Variants in PCDH17 observed in about 807,000 individuals in gnomAD.
PCDH17 encodes the protein protocadherin 17.
Under a neutral mutation model 67.7 loss-of-function variants are expected in PCDH17, and 21 were observed. The observed-to-expected ratio is 0.31, with a 90% confidence interval of 0.22 to 0.45. The LOEUF is 0.45. PCDH17 is among the 20% of genes least tolerant of loss of function. PCDH17 has a pLI of 1.00. For synonymous variants in PCDH17, 701 were observed against 656.7 expected (o/e 1.07, Z -1.03); for missense variants, 1,471 against 1,564.8 (o/e 0.94, Z 1.01).
Position 57,710,214 on chromosome 13 carries a change from TG to T in PCDH17, c.2798-14397del, listed in dbSNP as rs796220795. ...GCTTCACTGTTGCCACCTGAATAAC[TG>T]TGTTTCACCTGAGAAACTGAGTCCC... is the stretch of plus-strand genomic sequence containing the variant. On this transcript the variant is annotated intron_variant, in intron 3 of 3. Transcript: ENST00000377918. 5.6e-4 allele frequency among the ~76,000 whole-genome samples: 85 copies of T among 152,008 alleles called. 1 individual carries two copies. Among genetic ancestry groups the T allele is most frequent in the African/African-American group, 2.0e-3 (85 of 41,534 alleles).
chr13:57,655,924 A>T (rs1464423567), intron 1 of PCDH17, among the ~76,000 whole-genome samples: 2 of 152,130 alleles, frequency 1.3e-5, no homozygotes, highest in Non-Finnish European at 2.9e-5. Context: ...TTCCAAAAAT[A>T]TTGGAATGGT....
intron 3 of PCDH17, among the ~76,000 whole-genome samples, chr13:57,668,012 G>C (rs1955276565): frequency 3.3e-5 from 5 of 151,320 alleles, no homozygotes; most frequent in Admixed American, 3.3e-4. Flanking sequence ...TTTCTAAGTA[G>C]TAATTGCTAG....
At chr13:57,638,839 T>C (rs1274319319) in intron 1 of PCDH17, among the ~76,000 whole-genome samples, 1 of 151,982 alleles carries the variant, frequency 6.6e-6, no homozygotes, top group Non-Finnish European at 1.5e-5. Context: ...ACCCGCTGTA[T>C]GCCTTTATTC....
chr13:57,712,215 T>C (rs1277018008), intron 3 of PCDH17, among the ~76,000 whole-genome samples: 1 of 151,766 alleles, frequency 6.6e-6, no homozygotes, highest in Non-Finnish European at 1.5e-5. Context: ...TAATACTGGA[T>C]AACTTTAGCT....
intron 3 of PCDH17, among the ~76,000 whole-genome samples, chr13:57,668,055 G>A (rs1955277485): frequency 6.6e-6 from 1 of 151,502 alleles, no homozygotes; most frequent in African/African-American, 2.4e-5. Flanking sequence ...TTTTACCATA[G>A]CAACTTTCTG....
rs145739466 is a variant in PCDH17, at chr13:57,689,881, T to C, written c.2797+23048T>C. On this transcript the variant is annotated intron_variant, in intron 3 of 3. Transcript: ENST00000377918. ...ATACATTTTATAATTACTTTTATAA[T>C]AGGCTATTCTAATTATATTTGCAGA... is the stretch of plus-strand genomic sequence containing the variant. Among the ~76,000 whole-genome samples the C allele has an allele frequency of 4.9e-3, 752 of 151,984 alleles. 9 individuals carry two copies. Among genetic ancestry groups the C allele is most frequent in the African/African-American group, 0.014 (590 of 41,544 alleles).
At chr13:57,684,324 A>G (rs1310670233) in intron 3 of PCDH17, among the ~76,000 whole-genome samples, 1 of 151,936 alleles carries the variant, frequency 6.6e-6, no homozygotes, top group Admixed American at 6.6e-5. Context: ...ACACATTCAC[A>G]TATATATAAA....
intron 3 of PCDH17, among the ~76,000 whole-genome samples, chr13:57,693,479 T>G (rs954358969): frequency 3.3e-5 from 5 of 149,452 alleles, no homozygotes; most frequent in Non-Finnish European, 7.5e-5. Flanking sequence ...GCAGATAGGT[T>G]AGAGTGGATG....
intron 1 of PCDH17, among the ~76,000 whole-genome samples, chr13:57,660,251 T>TA (rs138714408): frequency 0.03 from 4,494 of 152,024 alleles, 214 homozygotes; most frequent in African/African-American, 0.097. Context: ...TCTCAAAAAA[T>TA]AAAATTAAAT....
chr13:57,685,246 G>A, intron 3 of PCDH17, among the ~76,000 whole-genome samples: 1 of 151,928 alleles, frequency 6.6e-6, no homozygotes, highest in Non-Finnish European at 1.5e-5. Flanking sequence ...TCTTATAATT[G>A]TCTTTATGCT....
chr13:57,719,386 G>A (rs1955854203), intron 3 of PCDH17, among the ~76,000 whole-genome samples: 1 of 151,964 alleles, frequency 6.6e-6, no homozygotes, highest in Admixed American at 6.6e-5. Context: ...TGTCTTTATT[G>A]ATGCCATGAT....
rs1426850741 is a variant in PCDH17 at position 57,635,047 on chromosome 13, C to G, written c.2501C>G (p.Thr834Ser). 2 of 1,613,604 alleles carry G rather than the reference C, an allele frequency of 1.2e-6. No homozygotes were observed. The highest frequency in any genetic ancestry group is 1.3e-5 in the African/African-American group (1 of 74,906). The stretch of plus-strand genomic sequence containing the variant: ...CCTCAGGGGCACGCGGGCTGCCACA[C>G]CAGCTTCACCGGACAAGGGACTAAT... Reference protein sequence around the residue: ...TVPQGHAGCHTSFTGQGTNAS... With the variant: ...TVPQGHAGCHSSFTGQGTNAS... The change falls in exon 1 of 4, where the codon ACC becomes AGC. Residue 834 changes from threonine (T) to serine (S), a missense_variant. Around this residue, in one of 3 missense-constraint regions of PCDH17, gnomAD observed 1,163 missense variants for 1,230.0 expected, o/e 0.95. Transcript: ENST00000377918.
Position 57,634,054 on chromosome 13 carries a change from A to T in PCDH17, c.1508A>T (p.Gln503Leu). The T allele has an allele frequency of 6.2e-7, 1 of 1,613,430 alleles. No individual in the cohort carries two copies. The highest frequency in any genetic ancestry group is 8.5e-7 in the Non-Finnish European group (1 of 1,180,036). Residue 503 changes from glutamine to leucine, a missense_variant, in exon 1 of 4, where the codon CAG becomes CTG. Coordinates refer to ENST00000377918, the MANE Select transcript of PCDH17 (RefSeq NM_001040429.3). This position sits in a 1 kb window ranked among gnomAD's most constrained non-coding sequence, Gnocchi z 7.8. ...CTCGCCCAGGATCCCGACCTGGGCC[A>T]GAACGGCACCGTATCCTACTCTATC... ...SVLAQDPDLGQNGTVSYSILP... is the reference protein window; with the variant it reads ...SVLAQDPDLGLNGTVSYSILP...
intron 3 of PCDH17, among the ~76,000 whole-genome samples, chr13:57,716,300 T>TA (rs1955816109): frequency 6.6e-6 from 1 of 152,048 alleles, no homozygotes; most frequent in Admixed American, 6.6e-5. Context: ...CCTGCTGCAT[T>TA]AAATTTGGTC....
intron 3 of PCDH17, among the ~76,000 whole-genome samples, chr13:57,723,525 G>A (rs767318997): frequency 2.6e-5 from 4 of 151,892 alleles, no homozygotes; most frequent in Non-Finnish European, 4.4e-5. Flanking sequence ...CAATTAAATG[G>A]CAAATCCCAA....
At chr13:57,630,206 T>C (rs1387418848), upstream of PCDH17, among the ~76,000 whole-genome samples, 1 of 152,166 alleles carries the variant, frequency 6.6e-6, no homozygotes. Flanking sequence ...AACTGTTGAA[T>C]TGAATTTTCA....
intron 3 of PCDH17, among the ~76,000 whole-genome samples, chr13:57,682,993 C>T (rs1376752839): frequency 6.6e-6 from 1 of 151,834 alleles, no homozygotes; most frequent in Non-Finnish European, 1.5e-5. Context: ...TTTCATAAGA[C>T]AGGCATATTT....
chr13:57,649,143 T>C (rs1955005374), intron 1 of PCDH17, among the ~76,000 whole-genome samples: 2 of 152,100 alleles, frequency 1.3e-5, no homozygotes, highest in South Asian at 4.1e-4. Context: ...CTTAACCTTG[T>C]AATCCCATTT....
upstream of PCDH17, among the ~76,000 whole-genome samples, chr13:57,630,632 G>A (rs1954706523): frequency 6.6e-6 from 1 of 152,158 alleles, no homozygotes; most frequent in Admixed American, 6.6e-5. Flanking sequence ...CAGAACCTCG[G>A]ACTCCGGCAG....
Sources: allele counts gnomAD v4.1 joint callset (sites outside exome capture counted in the v4.1 genomes callset), GRCh38; gene constraint gnomAD v4.1.1; regional missense constraint gnomAD v4.1.1; non-coding constraint Gnocchi (gnomAD v3.1); transcripts MANE v1.5; gene names NCBI Gene and HGNC (gene_info 2026-07-23, HGNC 2026-07-21).